The following ZNF738 variants were observed in gnomAD, a reference collection of about 807,000 sequenced individuals.
ZNF738 encodes protein ZNF738.
ZNF738 carries 10 observed loss-of-function variants against 9.2 expected under a neutral mutation model. The observed-to-expected ratio is 1.09, with a 90% CI of 0.67 to 1.85. ZNF738 has a LOEUF of 1.85. ZNF738 is among the 40% of genes most tolerant of loss of function. The probability of loss-of-function intolerance (pLI) is 0.00; values close to 1 mark genes in which losing one functional copy is unlikely to be tolerated. For synonymous variants in ZNF738, 113 were observed against 94.5 expected (o/e 1.20, Z -1.14); for missense variants, 346 against 283.6 (o/e 1.22, Z -1.58).
At position 21,359,116 on chromosome 19, in the gene ZNF738, G is replaced by T. The variant is rs777351263; in HGVS notation, c.-25G>T. The T allele has an allele frequency of 9.8e-7, 1 of 1,022,218 alleles. No homozygotes were observed. The highest frequency in any genetic ancestry group is 2.4e-5 in the East Asian group (1 of 41,818). The allele number at this position is 1,022,218 out of a possible 1,614,324, so 63.3% of individuals were successfully genotyped here. A position where few individuals can be genotyped will look rare whatever the true frequency, so the allele number is the denominator to read the frequency against. ...GGTATTGGGAATCCACAGCTAAGACGCCGGGACACCCTGGAAGCCTAGAAA... is the reference window on the plus strand; with the variant it reads ...GGTATTGGGAATCCACAGCTAAGACTCCGGGACACCCTGGAAGCCTAGAAA... On this transcript the variant is annotated 5_prime_UTR_variant, in exon 1 of 5. Coordinates refer to ENST00000683779, the MANE Select transcript of ZNF738 (RefSeq NM_001355237.2).
chr19:21,374,122 G>A (rs1266331011), intron 2 of ZNF738, among the ~76,000 whole-genome samples: 1 of 152,136 alleles, frequency 6.6e-6, no homozygotes, highest in African/African-American at 2.4e-5. Flanking sequence ...TTGGGGGAAC[G>A]TCCTTAGTAA....
At chr19:21,368,694 GATCTGCCCAC>G (rs1465907887) in intron 2 of ZNF738, among the ~76,000 whole-genome samples, 1 of 151,898 alleles carries the variant, frequency 6.6e-6, no homozygotes, top group Non-Finnish European at 1.5e-5. Flanking sequence ...CTGACCTTGT[GATCTGCCCAC>G]ATCAGCCTCC....
intron 2 of ZNF738, among the ~76,000 whole-genome samples, chr19:21,363,885 TAAAAA>T (rs71176862): frequency 3.6e-4 from 51 of 141,382 alleles, no homozygotes; most frequent in Admixed American, 7.8e-4. Context: ...AGACTCCATT[TAAAAA>T]AAAAAAAAAA....
rs1297095201 is a variant in ZNF738 at position 21,388,524 on chromosome 19, ATAT to A, written c.*4855_*4857del. On this transcript the variant is annotated 3_prime_UTR_variant, in exon 5 of 5. Coordinates refer to ENST00000683779, the MANE Select transcript of ZNF738 (RefSeq NM_001355237.2). ...AGAAAACTAGTAGTATATTATTAGT[ATAT>A]TATTGTACTAATTGTACTTTTATAT... is the stretch of plus-strand genomic sequence containing the variant. 4.6e-5 allele frequency among the ~76,000 whole-genome samples: 7 copies of A among 152,276 alleles called. No homozygotes were observed. The highest frequency in any genetic ancestry group is 1.0e-4 in the Non-Finnish European group (7 of 68,012).
chr19:21,373,017 C>A (rs527891005), intron 2 of ZNF738, among the ~76,000 whole-genome samples: 5 of 152,116 alleles, frequency 3.3e-5, no homozygotes, highest in Non-Finnish European at 5.9e-5. Flanking sequence ...GCTGTGCCTG[C>A]TTTCTCTAAC....
At chr19:21,371,363 A>G (rs1973855049) in intron 2 of ZNF738, among the ~76,000 whole-genome samples, 1 of 152,226 alleles carries the variant, frequency 6.6e-6, no homozygotes, top group Non-Finnish European at 1.5e-5. Context: ...GGGTAGAATT[A>G]TGTCAGGCTA....
At chr19:21,378,110 T>A (rs1973957028) in intron 4 of ZNF738, 1 of 396,664 alleles carries the variant, frequency 2.5e-6, no homozygotes, top group Non-Finnish European at 4.4e-6. Flanking sequence ...CATGCAAAAA[T>A]TTTTTCTCAT....
At chr19:21,371,351 A>T (rs866391521) in intron 2 of ZNF738, among the ~76,000 whole-genome samples, 4 of 152,194 alleles carry the variant, frequency 2.6e-5, no homozygotes, top group Non-Finnish European at 5.9e-5. Context: ...TGAGGATGTC[A>T]AGGGTAGAAT....
At chr19:21,375,771 C>T in intron 3 of ZNF738, 98 bp from the exon 4 acceptor site, 2 of 544,298 alleles carry the variant, frequency 3.7e-6, no homozygotes, top group Non-Finnish European at 6.7e-6. Flanking sequence ...GATGAATTTT[C>T]TAGAATATTC....
chr19:21,387,561 A>G lies in ZNF738; in HGVS notation c.*3887A>G, dbSNP rs1342472881. Among the ~76,000 whole-genome samples, 1 of 152,204 alleles carries G rather than the reference A, an allele frequency of 6.6e-6. No individual in the cohort carries two copies. The highest frequency in any genetic ancestry group is 1.5e-5 in the Non-Finnish European group (1 of 68,040). On this transcript the variant is annotated 3_prime_UTR_variant, in exon 5 of 5. Coordinates refer to ENST00000683779, the MANE Select transcript of ZNF738 (RefSeq NM_001355237.2). Reference sequence around the variant, plus strand: ...AAGTGAGAGCAATGTGGCAAAACTTAACCACCTTATTGCACAGAAAAGCAT... The same window carrying G: ...AAGTGAGAGCAATGTGGCAAAACTTGACCACCTTATTGCACAGAAAAGCAT...
At chr19:21,371,000 C>G (rs1037511657) in intron 2 of ZNF738, among the ~76,000 whole-genome samples, 1 of 152,164 alleles carries the variant, frequency 6.6e-6, no homozygotes, top group African/African-American at 2.4e-5. Flanking sequence ...GTTCAGTGAC[C>G]TGCTACAGTA....
At position 21,371,378 on chromosome 19, in the gene ZNF738, G is replaced by T. The variant is rs536721294; in HGVS notation, c.97-3860G>T. ...GGGTAGAATTATGTCAGGCTAACAAGAATGATTAATTATGTTTCTGTCTCG... is the reference window on the plus strand; with the variant it reads ...GGGTAGAATTATGTCAGGCTAACAATAATGATTAATTATGTTTCTGTCTCG... On this transcript the variant is annotated intron_variant, in intron 2 of 4. Transcript: ENST00000683779. 1.3e-4 allele frequency among the ~76,000 whole-genome samples: 20 copies of T among 152,256 alleles called. No homozygotes were observed. The South Asian group carries it at 4.1e-3, about 32-fold the overall frequency.
Position 21,386,435 on chromosome 19 carries a change from G to A in ZNF738, c.*2761G>A. On this transcript the variant is annotated 3_prime_UTR_variant, in exon 5 of 5. Coordinates refer to ENST00000683779, the MANE Select transcript of ZNF738 (RefSeq NM_001355237.2). ...AAATCTTAGAAATGTGAAGGATGTG[G>A]TAAAGCCGTTATCCAGTCCTCAACT... 1 of 308,794 alleles carries A rather than the reference G, an allele frequency of 3.2e-6. No homozygotes were observed. Among genetic ancestry groups the A allele is most frequent in the Admixed American group, 4.0e-5 (1 of 24,782 alleles). The allele number at this position is 308,794 out of a possible 1,614,324, so 19.1% of individuals were successfully genotyped here.
rs976226495 is a variant in ZNF738, at chr19:21,373,765, G to C, written c.97-1473G>C. Among the ~76,000 whole-genome samples, 22 of 143,698 alleles carry C rather than the reference G, an allele frequency of 1.5e-4. 1 individual carries two copies. Among genetic ancestry groups the C allele is most frequent in the Admixed American group, 2.1e-4 (3 of 14,220 alleles). 94.3% of individuals were successfully genotyped at this position (143,698 alleles called of 152,430 possible). ...AAAAGCATTTCCAAAGAAGACAAAA[G>C]AGGAAAAATGGCTTTTTTTTTTTTT... On this transcript the variant is annotated intron_variant, in intron 2 of 4. Coordinates refer to ENST00000683779, the MANE Select transcript of ZNF738 (RefSeq NM_001355237.2).
intron 4 of ZNF738, chr19:21,381,307 A>C: frequency 6.3e-7 from 1 of 1,584,934 alleles, no homozygotes; most frequent in Non-Finnish European, 8.6e-7. Flanking sequence ...TGTCTTCAAC[A>C]TAGTCCATTT....
At chr19:21,365,165 C>T (rs1431226411) in intron 2 of ZNF738, among the ~76,000 whole-genome samples, 1 of 152,084 alleles carries the variant, frequency 6.6e-6, no homozygotes. Context: ...ACTGTCATGG[C>T]ACTGGTGGGA....
rs1974065639 is a variant in ZNF738 at position 21,386,248 on chromosome 19, G to C, written c.*2574G>C. ...TGCACATAAGATAATTTATACTGTGGAGAAGCCTTACAAATGTGAAAAATG... is the reference window on the plus strand; with the variant it reads ...TGCACATAAGATAATTTATACTGTGCAGAAGCCTTACAAATGTGAAAAATG... On this transcript the variant is annotated 3_prime_UTR_variant, in exon 5 of 5. Transcript: ENST00000683779. 3.5e-6 allele frequency: 1 copy of C among 284,822 alleles called. No homozygotes were observed. Among genetic ancestry groups the C allele is most frequent in the Admixed American group, 4.5e-5 (1 of 22,076 alleles). The allele number at this position is 284,822 out of a possible 1,614,324, so 17.6% of individuals were successfully genotyped here.
At position 21,388,301 on chromosome 19, in the gene ZNF738, A is replaced by G. The variant is rs1974091453; in HGVS notation, c.*4627A>G. 6.6e-6 allele frequency among the ~76,000 whole-genome samples: 1 copy of G among 152,162 alleles called. No individual in the cohort carries two copies. Among genetic ancestry groups the G allele is most frequent in the Non-Finnish European group, 1.5e-5 (1 of 68,020 alleles). On this transcript the variant is annotated 3_prime_UTR_variant, in exon 5 of 5. Transcript: ENST00000683779. ...TTCTTCATTCTTATTCACTTGTGAAAGCATGTGATAATTGTTGCATCAAAG... is the reference window on the plus strand; with the variant it reads ...TTCTTCATTCTTATTCACTTGTGAAGGCATGTGATAATTGTTGCATCAAAG...
In ZNF738 at chr19:21,370,140, A is replaced by T. The variant is rs1420604036; in HGVS notation, c.97-5098A>T. Among the ~76,000 whole-genome samples, 5 of 152,294 alleles carry T rather than the reference A, an allele frequency of 3.3e-5. No individual in the cohort carries two copies. The East Asian group carries it at 9.7e-4, about 29-fold the overall frequency. Reference sequence around the variant, plus strand: ...TTGAAAGCTTTTTAAACATCTATTGAAATGACTTTGTGGTTTTTATCTTTA... The same window carrying T: ...TTGAAAGCTTTTTAAACATCTATTGTAATGACTTTGTGGTTTTTATCTTTA... On this transcript the variant is annotated intron_variant, in intron 2 of 4. Transcript: ENST00000683779.
Sources: allele counts gnomAD v4.1 joint callset (sites outside exome capture counted in the v4.1 genomes callset), GRCh38; gene constraint gnomAD v4.1.1; transcripts MANE v1.5; gene names NCBI Gene and HGNC (gene_info 2026-07-23, HGNC 2026-07-21).